Variants in WNK2 observed in about 807,000 individuals in gnomAD.
WNK2 encodes the protein serine/threonine-protein kinase WNK2.
Under a neutral mutation model 192.1 loss-of-function variants are expected in WNK2, and 67 were observed. That is an observed-to-expected ratio of 0.35 (90% CI 0.29 to 0.43). The LOEUF is 0.43. Ranked by LOEUF, WNK2 falls within the 20% of genes least tolerant of loss-of-function variation. WNK2 has a pLI of 1.00. For missense variants in WNK2, 2,698 were observed against 3,089.7 expected, an observed-to-expected ratio of 0.87 and a Z score of 3.01; for synonymous variants, 1,439 against 1,393.9, an observed-to-expected ratio of 1.03 and a Z score of -0.72.
In WNK2 at chr9:93,197,637, T is replaced by C. The variant is rs1162928615; in HGVS notation, c.681+12027T>C. ...CTTGGGTTCAAGCGATTCTCCTGCC[T>C]CAGCCTCCCGAGTAGCTGGGATTTA... On this transcript the variant is annotated intron_variant, in intron 2 of 29. Coordinates refer to ENST00000427277, the MANE Select transcript of WNK2 (RefSeq NM_006648.4). 4.6e-5 allele frequency among the ~76,000 whole-genome samples: 7 copies of C among 152,284 alleles called. No individual in the cohort carries two copies. The South Asian group carries it at 1.2e-3, about 27-fold the overall frequency.
chr9:93,186,916 T>A (rs1401422144), intron 2 of WNK2, among the ~76,000 whole-genome samples: 2 of 152,094 alleles, frequency 1.3e-5, no homozygotes, highest in African/African-American at 4.8e-5. Context: ...GTCCTGTAGG[T>A]TCTGATGGTA....
At chr9:93,266,561 C>A (rs1845205553) in intron 16 of WNK2, among the ~76,000 whole-genome samples, 1 of 152,230 alleles carries the variant, frequency 6.6e-6, no homozygotes, top group Middle Eastern at 3.2e-3. Flanking sequence ...ATGTGGCACT[C>A]CAGTCACAGC....
intron 8 of WNK2, among the ~76,000 whole-genome samples, chr9:93,251,454 T>C (rs1450139706): frequency 6.6e-6 from 1 of 152,082 alleles, no homozygotes; most frequent in Non-Finnish European, 1.5e-5. Flanking sequence ...GGGCCGGGCA[T>C]GGTGGCTCCT....
At chr9:93,219,667 C>T (rs966477495) in intron 2 of WNK2, among the ~76,000 whole-genome samples, 5 of 152,204 alleles carry the variant, frequency 3.3e-5, no homozygotes, top group Admixed American at 6.5e-5. Context: ...AGAGTGGGGT[C>T]GCTCAGGTGG....
At position 93,185,115 on chromosome 9, in the gene WNK2, G is replaced by A; in HGVS notation, c.186G>A (p.Ala62=). The part of the protein sequence containing the change: ...EEPPGLEAAE[A]PGPQPPQPLQ... ...CGCCGGGCTTGGAGGCAGCCGAGGCGCCGGGCCCGCAGCCCCCGCAGCCCC... is the reference window on the plus strand; with the variant it reads ...CGCCGGGCTTGGAGGCAGCCGAGGCACCGGGCCCGCAGCCCCCGCAGCCCC... Residue 62 remains alanine, a synonymous_variant, in exon 2 of 30, where the codon GCG becomes GCA. Transcript: ENST00000427277. The A allele has an allele frequency of 3.1e-6, 4 of 1,308,942 alleles. No individual in the cohort carries two copies. The highest frequency in any genetic ancestry group is 1.9e-5 in the South Asian group (1 of 52,016). The allele number at this position is 1,308,942 out of a possible 1,614,324, so 81.1% of individuals were successfully genotyped here. A position where few individuals can be genotyped will look rare whatever the true frequency, so the allele number is the denominator to read the frequency against.
chr9:93,283,818 G>T (rs920912741), intron 19 of WNK2, among the ~76,000 whole-genome samples: 1 of 152,204 alleles, frequency 6.6e-6, no homozygotes, highest in Non-Finnish European at 1.5e-5. Flanking sequence ...TGCCCAAATT[G>T]CAGGCATAGC....
In WNK2 at chr9:93,262,652, TC is replaced by T. The variant is rs1331176582; in HGVS notation, c.3361-16del. ...AGTCCGCATGACCTGTTCTCTTTTC[TC>T]CGGGTGTTTATTTCAGGAGCAGGCC... On this transcript the variant is annotated splice_polypyrimidine_tract_variant and intron_variant, in intron 13 of 29. Coordinates refer to ENST00000427277, the MANE Select transcript of WNK2 (RefSeq NM_006648.4). 1 of 1,612,642 alleles carries T rather than the reference TC, an allele frequency of 6.2e-7. No individual in the cohort carries two copies. The highest frequency in any genetic ancestry group is 8.5e-7 in the Non-Finnish European group (1 of 1,179,854).
chr9:93,186,804 A>G (rs1474281643), intron 2 of WNK2, among the ~76,000 whole-genome samples: 1 of 152,124 alleles, frequency 6.6e-6, no homozygotes, highest in Admixed American at 6.5e-5. Flanking sequence ...CTGCCTCTCC[A>G]CCACCCCTTG....
chr9:93,253,011 C>T lies in WNK2; in HGVS notation c.1963C>T (p.Pro655Ser), dbSNP rs561344476. 4.5e-6 allele frequency: 7 copies of T among 1,556,498 alleles called. No homozygotes were observed. The highest frequency in any genetic ancestry group is 1.4e-5 in the African/African-American group (1 of 73,180). ...CCCGGCCCAGTGTGTGTGCAGCCCC[C>T]CTGTGAGCGAGGGGCCCGTCCTGCC... is the stretch of plus-strand genomic sequence containing the variant. ...PSPAQCVCSP[P>S]VSEGPVLPQS... Residue 655 changes from proline (P) to serine (S), a missense_variant, in exon 9 of 30, where the codon CCT (proline) becomes TCT (serine). By Grantham distance (74) the Pro-to-Ser change is moderately conservative. Coordinates refer to ENST00000427277, the MANE Select transcript of WNK2 (RefSeq NM_006648.4).
intron 8 of WNK2, among the ~76,000 whole-genome samples, chr9:93,250,911 A>G (rs1359045183): frequency 6.7e-6 from 1 of 148,464 alleles, no homozygotes; most frequent in Non-Finnish European, 1.5e-5. Flanking sequence ...CAGCCTCCCT[A>G]GTAGCTGGGA....
chr9:93,305,970 G>A (rs1588597587), intron 26 of WNK2, among the ~76,000 whole-genome samples: 2 of 152,026 alleles, frequency 1.3e-5, no homozygotes, highest in South Asian at 2.1e-4. Flanking sequence ...CGTGCCTTCC[G>A]GCCCAGCCTG....
chr9:93,246,734 C>T (rs1219274219), intron 7 of WNK2, among the ~76,000 whole-genome samples: 1 of 152,224 alleles, frequency 6.6e-6, no homozygotes, highest in Non-Finnish European at 1.5e-5. Flanking sequence ...GGCACCTCCG[C>T]CCTACTGCAG....
At chr9:93,188,828 G>C (rs1829814017) in intron 2 of WNK2, among the ~76,000 whole-genome samples, 1 of 152,220 alleles carries the variant, frequency 6.6e-6, no homozygotes. Context: ...CCTCTAGGGG[G>C]TGGTGAGGCC....
chr9:93,202,259 C>T (rs1048481415), intron 2 of WNK2, among the ~76,000 whole-genome samples: 1 of 152,134 alleles, frequency 6.6e-6, no homozygotes, highest in Admixed American at 6.5e-5. Flanking sequence ...TGACCCCAAG[C>T]TCCCAGCCCT....
chr9:93,229,955 G>A lies in WNK2; in HGVS notation c.854+87G>A, dbSNP rs531343531. The A allele has an allele frequency of 7.3e-6, 11 of 1,510,992 alleles. No individual in the cohort carries two copies. The highest frequency in any genetic ancestry group is 1.4e-5 in the African/African-American group (1 of 72,804). 93.6% of individuals were successfully genotyped at this position (1,510,992 alleles called of 1,614,324 possible). On this transcript the variant is annotated intron_variant, in intron 3 of 29. Coordinates refer to ENST00000427277, the MANE Select transcript of WNK2 (RefSeq NM_006648.4). The surrounding 1 kb of genome is among the most constrained non-coding windows in gnomAD (Gnocchi z 4.9). ...GAGGGTGAGGTCTTGGGCTGCTGGGGTGGTCCTGGCTGGTGCCTGTGGGAG... is the reference window on the plus strand; with the variant it reads ...GAGGGTGAGGTCTTGGGCTGCTGGGATGGTCCTGGCTGGTGCCTGTGGGAG...
At chr9:93,281,888 A>G (rs549440913) in intron 19 of WNK2, among the ~76,000 whole-genome samples, 4 of 152,258 alleles carry the variant, frequency 2.6e-5, no homozygotes, top group African/African-American at 9.6e-5. Context: ...AACCTCAAAT[A>G]TCGGTAAAAG....
rs776660570 is a variant in WNK2, at chr9:93,292,988, C to A, written c.5523C>A (p.Thr1841=). ...SVAGDFVKKA[T]AFLQRPSRAG... is the part of the protein sequence containing the mutation. ...CTGGCGACTTCGTGAAGAAGGCCACCGCCTTCCTGCAGAGGCCTTCTCGGG... is the reference window on the plus strand; with the variant it reads ...CTGGCGACTTCGTGAAGAAGGCCACAGCCTTCCTGCAGAGGCCTTCTCGGG... Residue 1841 remains threonine (T), a synonymous_variant, in exon 23 of 30, where the codon ACC becomes ACA. Transcript: ENST00000427277. 1.3e-6 allele frequency: 2 copies of A among 1,561,762 alleles called. No homozygotes were observed. The highest frequency in any genetic ancestry group is 2.4e-5 in the South Asian group (2 of 84,410).
chr9:93,276,736 G>T (rs1846955421), intron 19 of WNK2, among the ~76,000 whole-genome samples: 2 of 152,098 alleles, frequency 1.3e-5, no homozygotes, highest in Non-Finnish European at 2.9e-5. Flanking sequence ...AGTAAAATGA[G>T]CATAAAAAAT....
At chr9:93,284,469 A>G (rs554682463) in intron 19 of WNK2, among the ~76,000 whole-genome samples, 1 of 152,350 alleles carries the variant, frequency 6.6e-6, no homozygotes, top group Admixed American at 6.5e-5. Context: ...CAAAAAACAA[A>G]CAAAACAAAA....
Sources: gnomAD v4.1 joint callset for allele counts (sites outside exome capture counted in the v4.1 genomes callset) on GRCh38, gnomAD v4.1.1 for gene constraint, Gnocchi (gnomAD v3.1) non-coding constraint, MANE v1.5 for transcripts, NCBI Gene and HGNC (gene_info 2026-07-23, HGNC 2026-07-21) for gene names.